API5: variants seen among roughly 807,000 people sequenced by gnomAD.
The protein encoded by API5 is apoptosis inhibitor 5, also known as FIF.
In API5, 6 loss-of-function variants were observed where a neutral mutation model predicts 71.9. That is an observed-to-expected ratio of 0.08 (90% CI 0.05 to 0.16). The LOEUF is 0.16. Ranked by LOEUF, API5 falls within the 10% of genes least tolerant of loss-of-function variation. The pLI is 1.00. For missense variants in API5, 332 were observed against 612.8 expected (o/e 0.54, Z 4.84); for synonymous variants, 189 against 221.3 (o/e 0.85, Z 1.30).
Position 43,342,850 on chromosome 11 carries a change from G to T in API5, c.*340G>T, listed in dbSNP as rs888038562. ...TAATGAAATTCAGTCTAGTTCTGCT[G>T]ATAAAGATCATCAGTTTTGAAAGGT... On this transcript the variant is annotated 3_prime_UTR_variant, in exon 14 of 14. Transcript: ENST00000531273. 24 of 547,654 alleles carry T rather than the reference G, an allele frequency of 4.4e-5. No individual in the cohort carries two copies. Among genetic ancestry groups the T allele is most frequent in the Middle Eastern group, 9.4e-4 (2 of 2,134 alleles). 33.9% of individuals were successfully genotyped at this position (547,654 alleles called of 1,614,324 possible).
In API5 at chr11:43,326,622, A is replaced by G. The variant is rs774828368; in HGVS notation, c.855+11A>G. The G allele has an allele frequency of 6.6e-7, 1 of 1,525,640 alleles. No homozygotes were observed. The highest frequency in any genetic ancestry group is 1.7e-5 in the Admixed American group (1 of 58,204). 94.5% of individuals were successfully genotyped at this position (1,525,640 alleles called of 1,614,324 possible). On this transcript the variant is annotated intron_variant, in intron 7 of 13. Coordinates refer to ENST00000531273, the MANE Select transcript of API5 (RefSeq NM_001142930.2). ...GATATACAGTTGGAGGTAAGCAAAA[A>G]TTTCAGCTTTAGCACTGATAAGGCA...
At chr11:43,323,997 A>G (rs1854982952) in intron 6 of API5, among the ~76,000 whole-genome samples, 1 of 152,172 alleles carries the variant, frequency 6.6e-6, no homozygotes, top group Non-Finnish European at 1.5e-5. Context: ...CCAAAGCAGC[A>G]AGAAACTTTC....
intron 11 of API5, chr11:43,331,476 C>T: frequency 4.8e-6 from 1 of 206,524 alleles, no homozygotes; most frequent in South Asian, 9.3e-5. Context: ...AATAAAGCTG[C>T]AGGAAAAAAA....
chr11:43,318,926 C>T, intron 2 of API5, 125 bp downstream of exon 2: 1 of 916,396 alleles, frequency 1.1e-6, no homozygotes, highest in Non-Finnish European at 1.6e-6. Flanking sequence ...TCTGGCATGG[C>T]ATCACACCCA....
At chr11:43,321,547 A>G (rs992778161) in intron 4 of API5, 71 bp downstream of exon 4, 2 of 1,239,496 alleles carry the variant, frequency 1.6e-6, no homozygotes, top group Non-Finnish European at 2.3e-6. Flanking sequence ...TTACTCATTA[A>G]GAATAAACTC....
At chr11:43,330,455 A>G in intron 10 of API5, 53 bp from the exon 11 acceptor site, 1 of 1,212,424 alleles carries the variant, frequency 8.2e-7, no homozygotes, top group Non-Finnish European at 1.2e-6. Context: ...AGAATGGATT[A>G]TGCCTCATAG....
intron 11 of API5, among the ~76,000 whole-genome samples, chr11:43,331,086 G>A (rs1053774886): frequency 1.2e-4 from 19 of 152,252 alleles, no homozygotes; most frequent in African/African-American, 4.1e-4. Context: ...ATGGGAAAAA[G>A]AAACAGTATT....
At chr11:43,312,304 C>T (rs1854501449) in intron 1 of API5, 108 bp downstream of exon 1, 2 of 1,233,504 alleles carry the variant, frequency 1.6e-6, no homozygotes, top group Non-Finnish European at 2.3e-6. Flanking sequence ...TTCATCCTCC[C>T]GGGGCCTCCT....
Position 43,312,154 on chromosome 11 carries a change from C to A in API5, c.27C>A (p.Arg9=), listed in dbSNP as rs1695054511. 1 of 1,613,834 alleles carries A rather than the reference C, an allele frequency of 6.2e-7. No homozygotes were observed. Among genetic ancestry groups the A allele is most frequent in the Non-Finnish European group, 8.5e-7 (1 of 1,179,954 alleles). MPTVEELY[R]NYGILADATE... ...TGCCGACAGTAGAGGAGCTTTACCG[C>A]AATTATGGCATCCTGGCCGATGCCA... Residue 9 remains arginine (R), a synonymous_variant, in exon 1 of 14, where the codon CGC becomes CGA. Transcript: ENST00000531273.
In API5 at chr11:43,312,133, G is replaced by A. The variant is rs775001209; in HGVS notation, c.6G>A (p.Pro2=). Residue 2 remains proline, a synonymous_variant, in exon 1 of 14, where the codon CCG becomes CCA. Coordinates refer to ENST00000531273, the MANE Select transcript of API5 (RefSeq NM_001142930.2). The part of the protein sequence containing the change: M[P]TVEELYRNYG... ...CCCTGGGCTTGTCGCTCACCATGCC[G>A]ACAGTAGAGGAGCTTTACCGCAATT... 7 of 1,613,690 alleles carry A rather than the reference G, an allele frequency of 4.3e-6. No homozygotes were observed. The highest frequency in any genetic ancestry group is 1.1e-5 in the South Asian group (1 of 91,072).
chr11:43,321,561 G>A, intron 4 of API5, 85 bp downstream of exon 4: 2 of 1,097,276 alleles, frequency 1.8e-6, no homozygotes, highest in East Asian at 2.5e-5. Flanking sequence ...TAAACTCTAG[G>A]GTTTACCCAG....
At position 43,312,597 on chromosome 11, in the gene API5, T is replaced by G. The variant is rs370285169; in HGVS notation, c.69+401T>G. On this transcript the variant is annotated intron_variant, in intron 1 of 13. Transcript: ENST00000531273. ...TCATGAGGTCAAGATGTGTTTTTTT[T>G]GGGGGGGAGGCAAAATTCTGCTACT... Among the ~76,000 whole-genome samples the G allele has an allele frequency of 7.7e-3, 1,177 of 152,100 alleles. 18 individuals are homozygous for G. Among genetic ancestry groups the G allele is most frequent in the South Asian group, 0.028 (134 of 4,798 alleles).
chr11:43,343,514 T>C lies in API5; in HGVS notation c.*1004T>C, dbSNP rs1855689988. The C allele has an allele frequency of 6.6e-6, 1 of 152,652 alleles. No homozygotes were observed. Among genetic ancestry groups the C allele is most frequent in the Admixed American group, 6.5e-5 (1 of 15,280 alleles). 9.5% of individuals were successfully genotyped at this position (152,652 alleles called of 1,614,324 possible). On this transcript the variant is annotated 3_prime_UTR_variant, in exon 14 of 14. Transcript: ENST00000531273. ...TACAGGTTTCTACAGGAAGAGATGG[T>C]ATAATTTACAATTTGGAGATTTAAT...
intron 11 of API5, among the ~76,000 whole-genome samples, chr11:43,334,080 C>T (rs1379270703): frequency 2.0e-5 from 3 of 152,066 alleles, no homozygotes; most frequent in Admixed American, 6.6e-5. Flanking sequence ...GTATATATTA[C>T]ATAGTATCAC....
intron 7 of API5, 32 bp downstream of exon 7, chr11:43,326,643 A>G: frequency 8.4e-7 from 1 of 1,183,652 alleles, no homozygotes; most frequent in Non-Finnish European, 1.2e-6. Context: ...AGCACTGATA[A>G]GGCATTCTTA....
chr11:43,340,720 G>A (rs1855582907), intron 13 of API5, among the ~76,000 whole-genome samples: 1 of 151,764 alleles, frequency 6.6e-6, no homozygotes, highest in Non-Finnish European at 1.5e-5. Context: ...AAATGGTGCT[G>A]AGAAAACTGG....
chr11:43,342,539 C>T lies in API5; in HGVS notation c.*29C>T, dbSNP rs1855654151. The T allele has an allele frequency of 1.2e-6, 2 of 1,606,418 alleles. No homozygotes were observed. The highest frequency in any genetic ancestry group is 1.7e-6 in the Non-Finnish European group (2 of 1,173,218). On this transcript the variant is annotated 3_prime_UTR_variant, in exon 14 of 14. Coordinates refer to ENST00000531273, the MANE Select transcript of API5 (RefSeq NM_001142930.2). ...AGACATCAGCATTCTTCAGCATTGT[C>T]ATGAGCTTAATATACTTAAATTCTA... is the stretch of plus-strand genomic sequence containing the variant.
rs1044721339 is a variant in API5 at position 43,317,939 on chromosome 11, G to A, written c.70-701G>A. Reference sequence around the variant, plus strand: ...TGATTGCCCACCTCGGCCTCCCAAAGTGTTGAGATTACAGGCATGAGCCAC... The same window carrying A: ...TGATTGCCCACCTCGGCCTCCCAAAATGTTGAGATTACAGGCATGAGCCAC... On this transcript the variant is annotated intron_variant, in intron 1 of 13. Coordinates refer to ENST00000531273, the MANE Select transcript of API5 (RefSeq NM_001142930.2). Among the ~76,000 whole-genome samples the A allele has an allele frequency of 2.6e-5, 4 of 152,120 alleles. No individual in the cohort carries two copies. The South Asian group carries it at 8.3e-4, about 31-fold the overall frequency.
At chr11:43,320,986 G>C (rs764567696) in intron 3 of API5, 72 bp downstream of exon 3, 1 of 1,310,378 alleles carries the variant, frequency 7.6e-7, no homozygotes, top group Non-Finnish European at 1.1e-6. Context: ...CTGTTTTTAG[G>C]TTTTAAATGG....
Sources: gnomAD v4.1 joint callset for allele counts (sites outside exome capture counted in the v4.1 genomes callset) on GRCh38, gnomAD v4.1.1 for gene constraint, MANE v1.5 for transcripts, NCBI Gene and HGNC (gene_info 2026-07-23, HGNC 2026-07-21) for gene names.